Variants in MYO16 observed in about 807,000 individuals in gnomAD.
MYO16 encodes the protein myosin XVI, also known as unconventional myosin-XVI.
A neutral mutation model predicts 205.3 loss-of-function variants in MYO16; 94 were observed. The observed-to-expected ratio is 0.46, with a 90% confidence interval of 0.39 to 0.54. The LOEUF (loss-of-function observed/expected upper bound fraction) is 0.54. Ranked by LOEUF, MYO16 falls within the 20% of genes least tolerant of loss-of-function variation. The pLI is 0.00. For synonymous variants in MYO16, 988 were observed against 954.0 expected (o/e 1.04, Z -0.66); for missense variants, 2,315 against 2,387.5 (o/e 0.97, Z 0.63).
In MYO16 at chr13:109,057,372, G is replaced by C. The variant is rs529866261; in HGVS notation, c.3335+1777G>C. Among the ~76,000 whole-genome samples, 196 of 152,264 alleles carry C rather than the reference G, an allele frequency of 1.3e-3. 2 individuals are homozygous for C. The highest frequency in any genetic ancestry group is 8.7e-4 in the Non-Finnish European group (59 of 68,016). On this transcript the variant is annotated intron_variant, in intron 27 of 34. Transcript: ENST00000457511. The stretch of plus-strand genomic sequence containing the variant: ...TAGAATATGTATTTCAGATAGACAA[G>C]ATATTTGTGTTTAAAATTTAAAAGG...
chr13:108,865,750 A>G (rs1878681224), intron 11 of MYO16, among the ~76,000 whole-genome samples: 1 of 151,846 alleles, frequency 6.6e-6, no homozygotes, highest in Admixed American at 6.6e-5. Flanking sequence ...AAAGTATTTT[A>G]TTTGATTATT....
chr13:109,086,015 GA>G (rs1888426014), intron 27 of MYO16, among the ~76,000 whole-genome samples: 1 of 152,152 alleles, frequency 6.6e-6, no homozygotes, highest in Non-Finnish European at 1.5e-5. Context: ...AGAGACTAGA[GA>G]AAATATGTTA....
intron 2 of MYO16, among the ~76,000 whole-genome samples, chr13:108,688,446 A>C (rs763663768): frequency 3.9e-5 from 6 of 152,148 alleles, no homozygotes; most frequent in Non-Finnish European, 1.5e-5. Context: ...TTTGTACATA[A>C]CTGAATTAGT....
chr13:109,120,555 G>T, intron 29 of MYO16, 89 bp downstream of exon 29: 1 of 927,652 alleles, frequency 1.1e-6, no homozygotes, highest in Non-Finnish European at 1.6e-6. Flanking sequence ...ATGTCGATGG[G>T]GTCTGCACCC....
intron 22 of MYO16, among the ~76,000 whole-genome samples, chr13:109,015,469 G>T (rs1046892800): frequency 1.3e-5 from 2 of 152,080 alleles, no homozygotes; most frequent in African/African-American, 2.4e-5. Flanking sequence ...GGATGATGCT[G>T]GCCTCATCAA....
chr13:108,526,264 A>G, the MYO16 span, among the ~76,000 whole-genome samples: 1 of 152,184 alleles, frequency 6.6e-6, no homozygotes, highest in Non-Finnish European at 1.5e-5. Flanking sequence ...TAATTTACTA[A>G]CTTTTTGGTA....
At chr13:109,190,761 A>G (rs1370147133) in intron 34 of MYO16, among the ~76,000 whole-genome samples, 3 of 152,218 alleles carry the variant, frequency 2.0e-5, no homozygotes, top group Non-Finnish European at 4.4e-5. Flanking sequence ...CATATGATGA[A>G]AACCACTCTG....
intron 16 of MYO16, among the ~76,000 whole-genome samples, chr13:108,937,629 T>C (rs943708221): frequency 1.3e-5 from 2 of 152,206 alleles, no homozygotes; most frequent in Non-Finnish European, 2.9e-5. Context: ...AGCTCTGAAA[T>C]TATTCTGCTT....
At chr13:108,972,860 T>G (rs1431371551) in intron 20 of MYO16, among the ~76,000 whole-genome samples, 1 of 152,046 alleles carries the variant, frequency 6.6e-6, no homozygotes, top group African/African-American at 2.4e-5. Flanking sequence ...TTTTCTTTTT[T>G]TGTTTTTTGG....
chr13:109,100,703 T>C (rs1018931443), intron 27 of MYO16, 82 bp from the exon 28 acceptor site: 11 of 1,093,932 alleles, frequency 1.0e-5, no homozygotes, highest in Non-Finnish European at 1.5e-5. Flanking sequence ...TGGGAAACGA[T>C]GTAACAAAGA....
At chr13:108,682,878 C>A (rs572001969) in intron 2 of MYO16, among the ~76,000 whole-genome samples, 75 of 152,256 alleles carry the variant, frequency 4.9e-4, no homozygotes, top group Non-Finnish European at 8.2e-4. Context: ...ATGTCTTTAT[C>A]TGGCTGGATG....
intron 12 of MYO16, among the ~76,000 whole-genome samples, chr13:108,880,048 G>A (rs993846215): frequency 6.6e-5 from 10 of 152,040 alleles, no homozygotes; most frequent in South Asian, 2.1e-4. Context: ...TTTAATGATC[G>A]CCATTCTAAC....
intron 20 of MYO16, among the ~76,000 whole-genome samples, chr13:108,986,151 C>T (rs1163681216): frequency 1.3e-5 from 2 of 152,006 alleles, no homozygotes; most frequent in Non-Finnish European, 2.9e-5. Flanking sequence ...AAAATCTGTC[C>T]CCATGATTCG....
intron 4 of MYO16, among the ~76,000 whole-genome samples, chr13:108,774,544 A>G (rs1886067415): frequency 6.6e-6 from 1 of 152,170 alleles, no homozygotes; most frequent in South Asian, 2.1e-4. Flanking sequence ...AAAATCAATT[A>G]TGATGTGATT....
At chr13:108,620,736 C>G (rs988731427) in intron 1 of MYO16, among the ~76,000 whole-genome samples, 2 of 152,224 alleles carry the variant, frequency 1.3e-5, no homozygotes, top group African/African-American at 2.4e-5. Flanking sequence ...TGCCTCTGCT[C>G]TGTCCCCAGT....
chr13:109,076,991 A>G (rs1486904588), intron 27 of MYO16, among the ~76,000 whole-genome samples: 1 of 115,686 alleles, frequency 8.6e-6, no homozygotes, highest in East Asian at 2.3e-4. Context: ...TTATTTGTTT[A>G]CACTTTTTTT....
intron 17 of MYO16, among the ~76,000 whole-genome samples, chr13:108,959,209 C>T (rs919773551): frequency 1.2e-4 from 18 of 151,720 alleles, no homozygotes; most frequent in African/African-American, 2.7e-4. Flanking sequence ...TCTGATTACC[C>T]GGCCTCTGTT....
At chr13:108,929,061 TACTA>T (rs929716747) in intron 16 of MYO16, among the ~76,000 whole-genome samples, 1 of 152,212 alleles carries the variant, frequency 6.6e-6, no homozygotes, top group South Asian at 2.1e-4. Context: ...TATACAGTGA[TACTA>T]AATAAATAAA....
chr13:108,949,387 A>G (rs1311466864), intron 16 of MYO16, among the ~76,000 whole-genome samples: 1 of 152,226 alleles, frequency 6.6e-6, no homozygotes, highest in Non-Finnish European at 1.5e-5. Context: ...TATATTAATC[A>G]TTATGTATTA....
Sources: gnomAD v4.1 joint callset for allele counts (sites outside exome capture counted in the v4.1 genomes callset) on GRCh38, gnomAD v4.1.1 for gene constraint, MANE v1.5 for transcripts, NCBI Gene and HGNC (gene_info 2026-07-23, HGNC 2026-07-21) for gene names.